Variants in CEP70 observed in about 807,000 individuals in gnomAD.
The protein encoded by CEP70 is centrosomal protein 70.
Under a neutral mutation model 90.9 loss-of-function variants are expected in CEP70, and 70 were observed. The ratio of observed to expected loss-of-function variants is 0.77; its 90% CI spans 0.64 to 0.94. The LOEUF (loss-of-function observed/expected upper bound fraction) is 0.94. Ranked by LOEUF, CEP70 falls within the 40% of genes least tolerant of loss-of-function variation. The pLI, the probability that CEP70 is intolerant of heterozygous loss-of-function variation, is 0.00. For missense variants in CEP70, 648 were observed against 669.0 expected, an observed-to-expected ratio of 0.97 and a Z score of 0.35; for synonymous variants, 220 against 228.3, an observed-to-expected ratio of 0.96 and a Z score of 0.33.
chr3:138,553,487 CAA>C (rs34567909), intron 6 of CEP70, among the ~76,000 whole-genome samples: 1 of 133,082 alleles, frequency 7.5e-6, no homozygotes. Context: ...CTCAAAAAGA[CAA>C]AAAAAAAAAA....
intron 6 of CEP70, among the ~76,000 whole-genome samples, chr3:138,539,253 A>G (rs574602236): frequency 2.0e-5 from 3 of 152,236 alleles, no homozygotes; most frequent in South Asian, 2.1e-4. Context: ...ACCTCAAGTG[A>G]TCCTCCTGCC....
chr3:138,497,274 T>C lies in CEP70; in HGVS notation c.1732+757A>G, dbSNP rs371075837. ...TTCTTATCAAGTTTTCATTGACTCA[T>C]TCCCTTATTTTCATACCAAGCTTCA... On this transcript the variant is annotated intron_variant, in intron 17 of 17. Coordinates refer to ENST00000264982, the MANE Select transcript of CEP70 (RefSeq NM_024491.4). 3.3e-5 allele frequency: 42 copies of C among 1,269,372 alleles called. No individual in the cohort carries two copies. The African/African-American group carries it at 5.9e-4, about 18-fold the overall frequency. The allele number at this position is 1,269,372 out of a possible 1,614,324, so 78.6% of individuals were successfully genotyped here.
At chr3:138,526,038 T>G (rs879827399) in intron 10 of CEP70, among the ~76,000 whole-genome samples, 4 of 152,330 alleles carry the variant, frequency 2.6e-5, no homozygotes, top group Non-Finnish European at 5.9e-5. Context: ...TTTTAAATTT[T>G]TACTACATAT....
chr3:138,545,608 G>C (rs1024908844), intron 6 of CEP70, among the ~76,000 whole-genome samples: 21 of 152,166 alleles, frequency 1.4e-4, no homozygotes, highest in African/African-American at 5.1e-4. Context: ...GCAGAATAGA[G>C]CCATATTTTT....
At chr3:138,531,828 T>C (rs575617238) in intron 8 of CEP70, among the ~76,000 whole-genome samples, 1 of 151,828 alleles carries the variant, frequency 6.6e-6, no homozygotes, top group South Asian at 2.1e-4. Flanking sequence ...TACTAGAGCA[T>C]ACGCTTCATA....
At chr3:138,497,140 G>A in intron 17 of CEP70, 1 of 1,095,006 alleles carries the variant, frequency 9.1e-7, no homozygotes, top group African/African-American at 1.7e-5. Context: ...CCTAAAGCAA[G>A]CTCACTCATT....
intron 6 of CEP70, among the ~76,000 whole-genome samples, chr3:138,552,927 A>C (rs2039726740): frequency 6.6e-6 from 1 of 152,196 alleles, no homozygotes; most frequent in Non-Finnish European, 1.5e-5. Context: ...TTGATAGACC[A>C]CTAGCAAGAT....
chr3:138,521,360 G>A (rs2036609088), intron 11 of CEP70, among the ~76,000 whole-genome samples: 2 of 151,890 alleles, frequency 1.3e-5, no homozygotes, highest in African/African-American at 4.8e-5. Context: ...TCTGGGAAGT[G>A]AGGAGCGTCT....
chr3:138,552,463 T>C (rs1460083675), intron 6 of CEP70, among the ~76,000 whole-genome samples: 1 of 152,070 alleles, frequency 6.6e-6, no homozygotes, highest in Non-Finnish European at 1.5e-5. Context: ...AAATTGAAAT[T>C]ATATCAATTA....
chr3:138,547,062 G>A (rs778402072), intron 6 of CEP70, among the ~76,000 whole-genome samples: 2 of 152,134 alleles, frequency 1.3e-5, no homozygotes, highest in Admixed American at 1.3e-4. Context: ...AATAAAAAAC[G>A]GATGTGACTC....
intron 6 of CEP70, among the ~76,000 whole-genome samples, chr3:138,550,797 C>T (rs900108810): frequency 2.6e-5 from 4 of 152,122 alleles, no homozygotes; most frequent in African/African-American, 4.8e-5. Flanking sequence ...ACAAGCTTTA[C>T]GAATTAACCC....
intron 1 of CEP70, chr3:138,593,764 C>G (rs1263749906): frequency 2.0e-5 from 3 of 152,210 alleles, no homozygotes; most frequent in Non-Finnish European, 4.4e-5. Flanking sequence ...CCCCAAACAA[C>G]CTTCGCGGTT....
In CEP70 at chr3:138,500,118, G is replaced by A. The variant is rs2034354452; in HGVS notation, c.1644C>T (p.Asp548=). 1.9e-6 allele frequency: 3 copies of A among 1,604,224 alleles called. No homozygotes were observed. The highest frequency in any genetic ancestry group is 2.7e-5 in the African/African-American group (2 of 74,684). The change falls in exon 16 of 18, where the codon GAC becomes GAT. Residue 548 remains aspartate, a synonymous_variant. Transcript: ENST00000264982. Reference sequence around the variant, plus strand: ...ACTTTTAAAACAAATACCTCTGGAGGTCTTCAGGTCCTAATACCTGCATAA... The same window carrying A: ...ACTTTTAAAACAAATACCTCTGGAGATCTTCAGGTCCTAATACCTGCATAA... ...EQVMQVLGPE[D]LQSIIYKLEE... is the part of the protein sequence containing the mutation.
chr3:138,571,154 A>C lies in CEP70; in HGVS notation c.164T>G (p.Leu55Arg). 1 of 1,587,436 alleles carries C rather than the reference A, an allele frequency of 6.3e-7. No homozygotes were observed. Among genetic ancestry groups the C allele is most frequent in the Non-Finnish European group, 8.6e-7 (1 of 1,166,274 alleles). ...TGATGACTGTTTGTCAAAAATGATG[A>C]GATCTACATTTAAAAAGTATATAAT... The part of the protein sequence containing the change: ...SLVKRTDLKD[L>R]IIFDKQSSQR... The change falls in exon 5 of 18, where the codon CTC becomes CGC. Residue 55 changes from leucine to arginine, a missense_variant. Leu to Arg is a moderately radical substitution (Grantham distance 102). Coordinates refer to ENST00000264982, the MANE Select transcript of CEP70 (RefSeq NM_024491.4).
At chr3:138,503,712 C>T (rs935849214) in intron 13 of CEP70, among the ~76,000 whole-genome samples, 2 of 152,132 alleles carry the variant, frequency 1.3e-5, no homozygotes, top group Non-Finnish European at 2.9e-5. Flanking sequence ...GCCTCCTCCT[C>T]CTCCTCAGAA....
intron 11 of CEP70, among the ~76,000 whole-genome samples, chr3:138,525,185 G>A (rs1175262404): frequency 6.6e-6 from 1 of 151,292 alleles, no homozygotes; most frequent in East Asian, 1.9e-4. Flanking sequence ...AACACCGCAT[G>A]TTCTCACTCA....
At chr3:138,506,299 T>C (rs1263488417) in intron 12 of CEP70, among the ~76,000 whole-genome samples, 1 of 152,078 alleles carries the variant, frequency 6.6e-6, no homozygotes, top group East Asian at 1.9e-4. Flanking sequence ...CAGTGAGCTA[T>C]GATAATGCAC....
chr3:138,566,356 T>G (rs906139006), intron 6 of CEP70, among the ~76,000 whole-genome samples: 6 of 152,082 alleles, frequency 3.9e-5, no homozygotes, highest in Non-Finnish European at 8.8e-5. Flanking sequence ...TATAAATAAT[T>G]CTACTATAAA....
chr3:138,581,113 C>T (rs1483396658), intron 2 of CEP70, among the ~76,000 whole-genome samples: 1 of 151,170 alleles, frequency 6.6e-6, no homozygotes, highest in Non-Finnish European at 1.5e-5. Flanking sequence ...GGTAAAACCC[C>T]ATCTCTACTA....
Sources: gnomAD v4.1 joint callset for allele counts (sites outside exome capture counted in the v4.1 genomes callset) on GRCh38, gnomAD v4.1.1 for gene constraint, MANE v1.5 for transcripts, NCBI Gene and HGNC (gene_info 2026-07-23, HGNC 2026-07-21) for gene names.